Variants in ALS2 observed in about 807,000 individuals in gnomAD.
The protein encoded by ALS2 is alsin.
ALS2 carries 117 observed loss-of-function variants against 203.4 expected under a neutral mutation model. The observed-to-expected ratio is 0.58, with a 90% CI of 0.50 to 0.67. ALS2 has a LOEUF of 0.67. ALS2 is among the 30% of genes least tolerant of loss of function. The probability of loss-of-function intolerance (pLI) is 0.00; values close to 1 mark genes in which losing one functional copy is unlikely to be tolerated. For missense variants in ALS2, 1,715 were observed against 1,989.4 expected (o/e 0.86, Z 2.62); for synonymous variants, 718 against 725.9 (o/e 0.99, Z 0.17).
intron 23 of ALS2, chr2:201,720,230 A>C: frequency 2.8e-6 from 1 of 361,824 alleles, no homozygotes; most frequent in Non-Finnish European, 5.2e-6. Context: ...TATTCGCATT[A>C]AATCCAGCAA....
intron 4 of ALS2, chr2:201,760,185 T>TG (rs1693673127): frequency 1.8e-6 from 1 of 546,184 alleles, no homozygotes; most frequent in Non-Finnish European, 2.3e-6. Context: ...TGGTGGCATG[T>TG]GTATAGTCCC....
At chr2:201,744,737 T>C (rs1692517640) in intron 9 of ALS2, among the ~76,000 whole-genome samples, 1 of 152,000 alleles carries the variant, frequency 6.6e-6, no homozygotes, top group South Asian at 2.1e-4. Context: ...CTTTCAATTA[T>C]CTCCAAGATA....
chr2:201,731,520 G>A (rs1691552339), intron 13 of ALS2, among the ~76,000 whole-genome samples: 1 of 152,084 alleles, frequency 6.6e-6, no homozygotes, highest in Non-Finnish European at 1.5e-5. Flanking sequence ...AAAGTTATAT[G>A]TATATATGAA....
chr2:201,729,326 A>G (rs1413045193), intron 13 of ALS2, 143 bp from the exon 14 acceptor site: 6 of 857,236 alleles, frequency 7.0e-6, no homozygotes, highest in Non-Finnish European at 1.1e-5. Flanking sequence ...ACACTGCAGG[A>G]GACTGGGAAA....
At chr2:201,704,294 AAAAG>A in intron 32 of ALS2, 76 bp from the exon 33 acceptor site, 3 of 1,517,218 alleles carry the variant, frequency 2.0e-6, no homozygotes, top group Non-Finnish European at 2.7e-6. Context: ...GTTGATGGGA[AAAAG>A]AAAGAACAGC....
intron 12 of ALS2, among the ~76,000 whole-genome samples, chr2:201,734,745 T>C (rs1375394413): frequency 2.0e-5 from 3 of 152,162 alleles, no homozygotes; most frequent in African/African-American, 7.2e-5. Flanking sequence ...TTTCCAGGAC[T>C]CACTCATGTC....
chr2:201,712,753 GAA>G (rs372321027), intron 25 of ALS2, among the ~76,000 whole-genome samples: 1 of 90,758 alleles, frequency 1.1e-5, no homozygotes, highest in Non-Finnish European at 2.8e-5. Context: ...CAGGAGAAAA[GAA>G]AAAAAAAAAG....
chr2:201,744,317 C>T lies in ALS2; in HGVS notation c.2111G>A (p.Arg704Gln), dbSNP rs200088152. 1.5e-5 allele frequency: 25 copies of T among 1,613,986 alleles called. No homozygotes were observed. The highest frequency in any genetic ancestry group is 5.0e-5 in the Admixed American group (3 of 59,996). ...SLHELATTERRFYSKLSDIKS... is the reference protein window; with the variant it reads ...SLHELATTERQFYSKLSDIKS... ...GATATCACTTAGTTTTGAATAGAATCGTCTTTCTGTAGTAGCTAACTCGTG... is the reference window on the plus strand; with the variant it reads ...GATATCACTTAGTTTTGAATAGAATTGTCTTTCTGTAGTAGCTAACTCGTG... Residue 704 changes from arginine (R) to glutamine (Q), a missense_variant, in exon 10 of 34, where the codon CGA (arginine) becomes CAA (glutamine). Arg to Gln is a conservative substitution (Grantham distance 43). This residue lies in a region of ALS2 where 1,227 missense variants were observed against 1,413.5 expected (regional missense o/e 0.87). Coordinates refer to ENST00000264276, the MANE Select transcript of ALS2 (RefSeq NM_020919.4).
At chr2:201,712,122 CACAT>C (rs1215020493) in intron 25 of ALS2, among the ~76,000 whole-genome samples, 3 of 152,056 alleles carry the variant, frequency 2.0e-5, no homozygotes, top group Non-Finnish European at 2.9e-5. Flanking sequence ...TTTCTTGAAA[CACAT>C]ACACGAATTT....
chr2:201,724,506 G>C, intron 20 of ALS2, 47 bp from the exon 21 acceptor site: 1 of 1,594,400 alleles, frequency 6.3e-7, no homozygotes, highest in East Asian at 2.2e-5. Context: ...ATTGAATTCT[G>C]ATGCTCATTT....
rs758370719 is a variant in ALS2, at chr2:201,760,887, T to C, written c.1107A>G (p.Pro369=). ...EDSEHGEKPV[P]SQPLLEEAIP... ...TATAAAATTGAGCAGGTACCTGAGA[T>C]GGCACTGGCTTTTCACCATGCTCTG... The change falls in exon 4 of 34, where the codon CCA becomes CCG. Residue 369 remains proline (P), a synonymous_variant. Coordinates refer to ENST00000264276, the MANE Select transcript of ALS2 (RefSeq NM_020919.4). 1.9e-6 allele frequency: 3 copies of C among 1,612,076 alleles called. No individual in the cohort carries two copies. The highest frequency in any genetic ancestry group is 2.5e-6 in the Non-Finnish European group (3 of 1,178,364).
rs1326747759 is a variant in ALS2, at chr2:201,727,748, C to T, written c.2869G>A (p.Ala957Thr). 5 of 1,551,632 alleles carry T rather than the reference C, an allele frequency of 3.2e-6. No individual in the cohort carries two copies. In the Admixed American group the frequency reaches 7.8e-5, roughly 24 times the overall value. ...QFSTHHVFPL[A>T]TLWAEPLSEE... ...GACAGTGGCTCTGCCCACAGCGTGG[C>T]CAGAGGGAAAACATGGTGCGTGGAG... Residue 957 changes from alanine (A) to threonine (T), a missense_variant, in exon 16 of 34, where the codon GCC becomes ACC. By Grantham distance (58) the Ala-to-Thr change is moderately conservative. Coordinates refer to ENST00000264276, the MANE Select transcript of ALS2 (RefSeq NM_020919.4).
At chr2:201,746,379 T>C (rs1692648377) in intron 9 of ALS2, among the ~76,000 whole-genome samples, 187 bp downstream of exon 9, 2 of 152,136 alleles carry the variant, frequency 1.3e-5, no homozygotes, top group South Asian at 4.2e-4. Flanking sequence ...ATATAGTGTA[T>C]TCGATGGTGA....
At chr2:201,711,865 ACT>A (rs1690049327) in intron 25 of ALS2, among the ~76,000 whole-genome samples, 1 of 2,530 alleles carries the variant, frequency 4.0e-4, no homozygotes, top group South Asian at 0.028. Flanking sequence ...GAAACACCTA[ACT>A]AACAACAGTT....
chr2:201,743,269 GGA>G (rs1692410022), intron 10 of ALS2, among the ~76,000 whole-genome samples: 1 of 151,948 alleles, frequency 6.6e-6, no homozygotes, highest in African/African-American at 2.4e-5. Context: ...ATTTGAAATA[GGA>G]AAAGTTTATC....
At chr2:201,756,398 A>G (rs898870992) in intron 5 of ALS2, among the ~76,000 whole-genome samples, 5 of 152,074 alleles carry the variant, frequency 3.3e-5, no homozygotes, top group Non-Finnish European at 7.4e-5. Context: ...AGAGTGGCAC[A>G]AGAGTGTTCA....
intron 13 of ALS2, among the ~76,000 whole-genome samples, chr2:201,732,384 T>C (rs1215085550): frequency 7.3e-6 from 1 of 137,820 alleles, no homozygotes; most frequent in East Asian, 2.1e-4. Flanking sequence ...TGATATCCCA[T>C]CTCTACTAAA....
chr2:201,753,306 C>T, intron 6 of ALS2, 64 bp from the exon 7 acceptor site: 2 of 1,355,450 alleles, frequency 1.5e-6, no homozygotes, highest in Non-Finnish European at 2.1e-6. Context: ...TAGCCTTTCT[C>T]AAATTATAAA....
chr2:201,724,941 G>A (rs1292183190), intron 20 of ALS2, among the ~76,000 whole-genome samples: 2 of 151,972 alleles, frequency 1.3e-5, no homozygotes, highest in African/African-American at 2.4e-5. Context: ...GTGAAACCCT[G>A]TCTCTACTAA....
Sources: allele counts gnomAD v4.1 joint callset (sites outside exome capture counted in the v4.1 genomes callset), GRCh38; gene constraint gnomAD v4.1.1; regional missense constraint gnomAD v4.1.1; transcripts MANE v1.5; gene names NCBI Gene and HGNC (gene_info 2026-07-23, HGNC 2026-07-21).